The following PRKN variants were observed in gnomAD, a reference collection of about 807,000 sequenced individuals.
PRKN encodes the protein E3 ubiquitin-protein ligase parkin.
Under a neutral mutation model 59.5 loss-of-function variants are expected in PRKN, and 56 were observed. The observed-to-expected ratio is 0.94, with a 90% confidence interval of 0.76 to 1.18. PRKN has a LOEUF of 1.18. Ranked by LOEUF, PRKN falls within the 50% of genes most tolerant of loss-of-function variation. The pLI, the probability that PRKN is intolerant of heterozygous loss-of-function variation, is 0.00. For synonymous variants in PRKN, 250 were observed against 222.1 expected (o/e 1.13, Z -1.12); for missense variants, 657 against 596.4 (o/e 1.10, Z -1.06).
intron 7 of PRKN, among the ~76,000 whole-genome samples, chr6:161,743,386 T>TTTTTTTTATTTGTTTA (rs1554299551): frequency 7.1e-6 from 1 of 140,246 alleles, no homozygotes; most frequent in Non-Finnish European, 1.5e-5. Context: ...CATCCAGCTT[T>TTTTTTTTATTTGTTTA]TTTATTTATT....
intron 5 of PRKN, among the ~76,000 whole-genome samples, chr6:162,015,134 T>C (rs1782885985): frequency 6.6e-6 from 1 of 152,194 alleles, no homozygotes; most frequent in South Asian, 2.1e-4. Flanking sequence ...TCAAATTTAT[T>C]GTCAAGTGTT....
chr6:161,441,261 G>A (rs1008700596), intron 9 of PRKN, among the ~76,000 whole-genome samples: 3 of 152,168 alleles, frequency 2.0e-5, no homozygotes, highest in Admixed American at 1.3e-4. Context: ...GAAGAGAAGC[G>A]CAGTCCATGG....
intron 4 of PRKN, among the ~76,000 whole-genome samples, chr6:162,155,566 G>A (rs1230015874): frequency 6.6e-6 from 1 of 152,122 alleles, no homozygotes; most frequent in Non-Finnish European, 1.5e-5. Context: ...GTCAGAGACA[G>A]CAAGCATAAT....
At position 161,582,638 on chromosome 6, in the gene PRKN, A is replaced by G. The variant is rs890663343; in HGVS notation, c.872-13222T>C. Among the ~76,000 whole-genome samples the G allele has an allele frequency of 1.3e-5, 2 of 152,068 alleles. No individual in the cohort carries two copies. The highest frequency in any genetic ancestry group is 2.4e-5 in the African/African-American group (1 of 41,404). The stretch of plus-strand genomic sequence containing the variant: ...GAGATGGGGTTTCACCATGTTAGCC[A>G]GGATGGTCTCGATCTGCTGACCTCG... On this transcript the variant is annotated intron_variant, in intron 7 of 11. Coordinates refer to ENST00000366898, the MANE Select transcript of PRKN (RefSeq NM_004562.3). This position sits in a 1 kb window ranked among gnomAD's most constrained non-coding sequence, Gnocchi z 4.4.
In PRKN at chr6:162,133,769, C is replaced by T. The variant is rs144765970; in HGVS notation, c.534+67362G>A. ...GTGGCCCATGTGGCCGGTGTGCATT[C>T]GGCGGACTCTGATGTCCCAGAAGTC... On this transcript the variant is annotated intron_variant, in intron 4 of 11. Transcript: ENST00000366898. 2.4e-3 allele frequency among the ~76,000 whole-genome samples: 366 copies of T among 152,184 alleles called. 2 individuals are homozygous for T. Among genetic ancestry groups the T allele is most frequent in the African/African-American group, 7.5e-3 (311 of 41,530 alleles).
At chr6:162,281,586 A>G (rs1406131809) in intron 2 of PRKN, among the ~76,000 whole-genome samples, 6 of 152,152 alleles carry the variant, frequency 3.9e-5, no homozygotes, top group Non-Finnish European at 8.8e-5. Context: ...AGCAAAATCC[A>G]AAGTTGCTTA....
chr6:162,094,800 A>C (rs1485082279), intron 4 of PRKN, among the ~76,000 whole-genome samples: 2 of 152,246 alleles, frequency 1.3e-5, no homozygotes, highest in African/African-American at 4.8e-5. Flanking sequence ...TTCCTGAAAT[A>C]AACTATGTAA....
chr6:162,641,630 C>T (rs1353532686), intron 1 of PRKN, among the ~76,000 whole-genome samples: 1 of 152,174 alleles, frequency 6.6e-6, no homozygotes, highest in African/African-American at 2.4e-5. Flanking sequence ...ATAAGGTCCA[C>T]ACAAAGTTGA....
rs1485191217 is a variant in PRKN, at chr6:161,809,256, CA to C, written c.735-23349del. Among the ~76,000 whole-genome samples, 7 of 151,622 alleles carry C rather than the reference CA, an allele frequency of 4.6e-5. No homozygotes were observed. In the South Asian group the frequency reaches 1.1e-3, roughly 23 times the overall value. On this transcript the variant is annotated intron_variant, in intron 6 of 11. Transcript: ENST00000366898. ...CCCACACATCAACAGTCCTCAAAGG[CA>C]GGGGGGGAAGGGGGATGACTCAGAA...
chr6:162,586,249 T>C (rs1321741621), intron 1 of PRKN, among the ~76,000 whole-genome samples: 4 of 152,202 alleles, frequency 2.6e-5, no homozygotes, highest in Non-Finnish European at 5.9e-5. Flanking sequence ...GCAACGTACC[T>C]CCTTCTAACT....
At chr6:162,448,918 C>T (rs1243124195) in intron 1 of PRKN, among the ~76,000 whole-genome samples, 1 of 148,834 alleles carries the variant, frequency 6.7e-6, no homozygotes, top group Non-Finnish European at 1.5e-5. Context: ...TCTCTCATCT[C>T]ACTCTGTCTC....
intron 2 of PRKN, among the ~76,000 whole-genome samples, chr6:162,313,433 G>A (rs1042465586): frequency 5.3e-5 from 8 of 151,998 alleles, no homozygotes; most frequent in African/African-American, 1.7e-4. Context: ...GATTTCATGC[G>A]TTTTCAAGGG....
chr6:162,476,037 G>T (rs1280704597), intron 1 of PRKN, among the ~76,000 whole-genome samples: 1 of 146,842 alleles, frequency 6.8e-6, no homozygotes, highest in Non-Finnish European at 1.5e-5. Context: ...GTGAGCCACC[G>T]CACCTGGCCT....
chr6:162,263,378 C>T (rs767063461), intron 2 of PRKN: 9 of 176,840 alleles, frequency 5.1e-5, no homozygotes, highest in Non-Finnish European at 7.3e-5. Flanking sequence ...GAAATGAATG[C>T]GTTTGAGTAG....
At chr6:161,832,476 T>C (rs1321790089) in intron 6 of PRKN, among the ~76,000 whole-genome samples, 1 of 151,482 alleles carries the variant, frequency 6.6e-6, no homozygotes, top group African/African-American at 2.4e-5. Flanking sequence ...ATACAAAAAA[T>C]AGCTGGGTGT....
intron 3 of PRKN, among the ~76,000 whole-genome samples, chr6:162,237,684 C>G (rs1354006294): frequency 2.0e-5 from 3 of 152,032 alleles, no homozygotes; most frequent in Non-Finnish European, 4.4e-5. Flanking sequence ...AATAAGCAAG[C>G]AGTCACCAAA....
intron 7 of PRKN, among the ~76,000 whole-genome samples, chr6:161,642,458 T>C (rs970028558): frequency 6.6e-6 from 1 of 152,232 alleles, no homozygotes; most frequent in African/African-American, 2.4e-5. Context: ...GTGATATTTA[T>C]GGACTGTAAT....
At chr6:162,104,995 C>A (rs1268024550) in intron 4 of PRKN, among the ~76,000 whole-genome samples, 1 of 152,050 alleles carries the variant, frequency 6.6e-6, no homozygotes, top group African/African-American at 2.4e-5. Context: ...CAAAGAATAC[C>A]AATTGTTTGG....
At chr6:161,798,104 G>A (rs1790927091) in intron 6 of PRKN, among the ~76,000 whole-genome samples, 1 of 152,206 alleles carries the variant, frequency 6.6e-6, no homozygotes, top group East Asian at 1.9e-4. Context: ...GGGAGGCTAA[G>A]GCGGGAGAAT....
Sources: allele counts gnomAD v4.1 joint callset (sites outside exome capture counted in the v4.1 genomes callset), GRCh38; gene constraint gnomAD v4.1.1; non-coding constraint Gnocchi (gnomAD v3.1); transcripts MANE v1.5; gene names NCBI Gene and HGNC (gene_info 2026-07-23, HGNC 2026-07-21).